The following PARD3B variants were observed in gnomAD, a reference collection of about 807,000 sequenced individuals.
PARD3B encodes the protein par-3 family cell polarity regulator beta.
In PARD3B, 103 loss-of-function variants were observed where a neutral mutation model predicts 130.2. The ratio of observed to expected loss-of-function variants is 0.79; its 90% CI spans 0.67 to 0.93. The LOEUF is 0.93. Among genes scored for constraint, PARD3B ranks in the 40% least tolerant of loss-of-function variants. PARD3B has a pLI of 0.00. For synonymous variants in PARD3B, 583 were observed against 553.2 expected, an observed-to-expected ratio of 1.05 and a Z score of -0.76; for missense variants, 1,609 against 1,499.2, an observed-to-expected ratio of 1.07 and a Z score of -1.21.
At chr2:205,173,780 G>T (rs2125754337) in intron 12 of PARD3B, among the ~76,000 whole-genome samples, 1 of 152,290 alleles carries the variant, frequency 6.6e-6, no homozygotes, top group South Asian at 2.1e-4. Context: ...TATGTACCTA[G>T]TTATAACACC....
chr2:204,548,408 C>T (rs2030179302), intron 1 of PARD3B, among the ~76,000 whole-genome samples: 1 of 152,064 alleles, frequency 6.6e-6, no homozygotes, highest in Non-Finnish European at 1.5e-5. Context: ...CTCCCAACAA[C>T]CTTAGGAGAT....
In PARD3B at chr2:205,323,658, C is replaced by G. The variant is rs192845453; in HGVS notation, c.2630+21957C>G. On this transcript the variant is annotated intron_variant, in intron 18 of 22. Transcript: ENST00000406610. ...CTCTGATTCTTTCCACTAATGTAGT[C>G]AACATTTAGCCCTGAAGGATACAAA... Among the ~76,000 whole-genome samples, 5 of 152,242 alleles carry G rather than the reference C, an allele frequency of 3.3e-5. No individual in the cohort carries two copies. The East Asian group carries it at 9.7e-4, about 29-fold the overall frequency.
chr2:205,232,158 T>C (rs1030276912), intron 15 of PARD3B, among the ~76,000 whole-genome samples: 8 of 152,144 alleles, frequency 5.3e-5, no homozygotes, highest in African/African-American at 1.7e-4. Context: ...TTTTAAAAAA[T>C]TACAGGAAGG....
chr2:205,425,610 T>C (rs1481988908), intron 19 of PARD3B, among the ~76,000 whole-genome samples: 1 of 150,748 alleles, frequency 6.6e-6, no homozygotes, highest in Non-Finnish European at 1.5e-5. Context: ...TTCCAGGCCA[T>C]GTAGGATATG....
chr2:205,238,880 ATG>A (rs1240191527), intron 15 of PARD3B, among the ~76,000 whole-genome samples: 18 of 58,684 alleles, frequency 3.1e-4, no homozygotes, highest in Non-Finnish European at 4.0e-4. Flanking sequence ...ATATATATGT[ATG>A]TGTGTATATA....
At chr2:204,905,764 C>T (rs1036427601) in intron 2 of PARD3B, among the ~76,000 whole-genome samples, 18 of 152,174 alleles carry the variant, frequency 1.2e-4, no homozygotes, top group Non-Finnish European at 2.1e-4. Flanking sequence ...CTGCCCTCTC[C>T]TTCCTACTTA....
chr2:204,749,397 A>G (rs531872638), intron 2 of PARD3B, among the ~76,000 whole-genome samples: 1 of 148,500 alleles, frequency 6.7e-6, no homozygotes, highest in South Asian at 2.2e-4. Flanking sequence ...GTGCTTCACT[A>G]TTTCTTCATT....
intron 2 of PARD3B, among the ~76,000 whole-genome samples, chr2:204,950,208 A>G (rs576734135): frequency 6.6e-6 from 1 of 152,194 alleles, no homozygotes; most frequent in Non-Finnish European, 1.5e-5. Context: ...CCCCCTCCCC[A>G]TTTTGAATAT....
At chr2:205,213,135 G>A (rs990259742) in intron 15 of PARD3B, among the ~76,000 whole-genome samples, 2 of 152,020 alleles carry the variant, frequency 1.3e-5, no homozygotes, top group African/African-American at 4.8e-5. Context: ...AAAAACAGAC[G>A]ACCTATTCTC....
Position 205,288,103 on chromosome 2 carries a change from C to T in PARD3B, c.2186-12427C>T, listed in dbSNP as rs2041463161. Among the ~76,000 whole-genome samples the T allele has an allele frequency of 6.6e-6, 1 of 152,048 alleles. No individual in the cohort carries two copies. Among genetic ancestry groups the T allele is most frequent in the Non-Finnish European group, 1.5e-5 (1 of 68,016 alleles). ...TTATATATTACCAAATATAGTAAAG[C>T]GTGCTTACGAGGAGATAGCAAAGGG... On this transcript the variant is annotated intron_variant, in intron 16 of 22. Transcript: ENST00000406610. This position sits in a 1 kb window ranked among gnomAD's most constrained non-coding sequence, Gnocchi z 4.0.
At chr2:204,997,097 G>T (rs1694288426) in intron 3 of PARD3B, among the ~76,000 whole-genome samples, 1 of 152,094 alleles carries the variant, frequency 6.6e-6, no homozygotes. Flanking sequence ...GGCCATCTTG[G>T]CTCCTCCCCT....
At chr2:205,237,434 A>G (rs1454904960) in intron 15 of PARD3B, among the ~76,000 whole-genome samples, 1 of 152,048 alleles carries the variant, frequency 6.6e-6, no homozygotes, top group Non-Finnish European at 1.5e-5. Context: ...GTATTTTTTC[A>G]TGCTTTAATA....
At chr2:204,711,186 A>C (rs1261658040) in intron 2 of PARD3B, among the ~76,000 whole-genome samples, 3 of 152,176 alleles carry the variant, frequency 2.0e-5, no homozygotes, top group Non-Finnish European at 2.9e-5. Context: ...TTAAACAATT[A>C]CTTGTTTTAT....
chr2:204,614,520 G>A (rs1014879296), intron 1 of PARD3B, among the ~76,000 whole-genome samples: 1 of 152,108 alleles, frequency 6.6e-6, no homozygotes, highest in Non-Finnish European at 1.5e-5. Flanking sequence ...TACAAAAATA[G>A]TCACTTCATT....
chr2:204,792,923 G>A (rs1202008928), intron 2 of PARD3B, among the ~76,000 whole-genome samples: 2 of 150,012 alleles, frequency 1.3e-5, no homozygotes, highest in Admixed American at 6.7e-5. Flanking sequence ...TTATAGACCC[G>A]TTCATCACCT....
intron 1 of PARD3B, among the ~76,000 whole-genome samples, chr2:204,605,642 T>C (rs1380024255): frequency 6.6e-6 from 1 of 152,118 alleles, no homozygotes; most frequent in African/African-American, 2.4e-5. Context: ...AGTGAGACTC[T>C]CTGGGTTCGT....
intron 2 of PARD3B, among the ~76,000 whole-genome samples, chr2:204,753,896 TTAAAA>T (rs1298340527): frequency 3.3e-5 from 5 of 152,092 alleles, no homozygotes; most frequent in East Asian, 3.9e-4. Flanking sequence ...TACCAAAAAA[TTAAAA>T]TAAAATAATA....
chr2:204,730,764 T>C (rs1559096530), intron 2 of PARD3B, among the ~76,000 whole-genome samples: 1 of 152,140 alleles, frequency 6.6e-6, no homozygotes, highest in Non-Finnish European at 1.5e-5. Context: ...TGCGCACCTT[T>C]GGGGCATGTA....
rs2042501657 is a variant in PARD3B at position 204,799,809 on chromosome 2, G to C, written c.222+113527G>C. Among the ~76,000 whole-genome samples the C allele has an allele frequency of 1.3e-5, 2 of 151,940 alleles. No individual in the cohort carries two copies. The highest frequency in any genetic ancestry group is 2.9e-5 in the Non-Finnish European group (2 of 68,026). On this transcript the variant is annotated intron_variant, in intron 2 of 22. Transcript: ENST00000406610. This position sits in a 1 kb window ranked among gnomAD's most constrained non-coding sequence, Gnocchi z 4.1. ...GTCTGCAAAAGCCATAGTATTATTG[G>C]ACTGAGGGTTCCCCAAATGCAGATA...
Sources: gnomAD v4.1 joint callset for allele counts (sites outside exome capture counted in the v4.1 genomes callset) on GRCh38, gnomAD v4.1.1 for gene constraint, Gnocchi (gnomAD v3.1) non-coding constraint, MANE v1.5 for transcripts, NCBI Gene and HGNC (gene_info 2026-07-23, HGNC 2026-07-21) for gene names.